HS6ST3: variants seen among roughly 807,000 people sequenced by gnomAD.
The protein encoded by HS6ST3 is heparan sulfate 6-O-sulfotransferase 3, also known as heparan-sulfate 6-O-sulfotransferase 3.
HS6ST3 carries 12 observed loss-of-function variants against 36.7 expected under a neutral mutation model. The ratio of observed to expected loss-of-function variants is 0.33; its 90% CI spans 0.21 to 0.53. The LOEUF is 0.53. HS6ST3 is among the 20% of genes least tolerant of loss of function. HS6ST3 has a pLI of 0.95. For missense variants in HS6ST3, 584 were observed against 640.9 expected (o/e 0.91, Z 0.96); for synonymous variants, 240 against 257.5 (o/e 0.93, Z 0.65).
intron 1 of HS6ST3, among the ~76,000 whole-genome samples, chr13:96,151,918 G>T (rs1011037492): frequency 1.3e-5 from 2 of 152,102 alleles, no homozygotes; most frequent in Non-Finnish European, 2.9e-5. Context: ...GTGGATTAAG[G>T]GCCTGCCCTA....
intron 1 of HS6ST3, among the ~76,000 whole-genome samples, chr13:96,452,992 A>G (rs778561039): frequency 2.6e-5 from 4 of 152,140 alleles, no homozygotes; most frequent in Admixed American, 1.3e-4. Flanking sequence ...GACAGGTGCC[A>G]TGAGCTTTGG....
intron 1 of HS6ST3, among the ~76,000 whole-genome samples, chr13:96,647,914 T>C (rs1238821953): frequency 3.3e-5 from 5 of 152,074 alleles, no homozygotes; most frequent in Admixed American, 2.0e-4. Flanking sequence ...CTGAACTCTT[T>C]AATATGGACA....
At chr13:96,304,067 C>T (rs574844993) in intron 1 of HS6ST3, among the ~76,000 whole-genome samples, 84 of 150,334 alleles carry the variant, frequency 5.6e-4, no homozygotes, top group South Asian at 1.3e-3. Flanking sequence ...TGCTTGAACC[C>T]GGGAGGTGGA....
At chr13:96,168,482 G>T (rs1467078357) in intron 1 of HS6ST3, among the ~76,000 whole-genome samples, 1 of 152,022 alleles carries the variant, frequency 6.6e-6, no homozygotes, top group Non-Finnish European at 1.5e-5. Context: ...GGAGCAGGGG[G>T]ATCCCTTCAG....
chr13:96,466,545 G>A (rs975489904), intron 1 of HS6ST3, among the ~76,000 whole-genome samples: 7 of 151,992 alleles, frequency 4.6e-5, no homozygotes, highest in African/African-American at 1.7e-4. Flanking sequence ...TTCTATGTCT[G>A]GCCTGTTTCA....
intron 1 of HS6ST3, among the ~76,000 whole-genome samples, chr13:96,759,246 A>G (rs1305411964): frequency 6.6e-6 from 1 of 151,882 alleles, no homozygotes; most frequent in Non-Finnish European, 1.5e-5. Context: ...ACCCAGTTGG[A>G]AAATTGCTGC....
chr13:96,533,843 AG>A (rs1176799286), intron 1 of HS6ST3, among the ~76,000 whole-genome samples: 2 of 152,118 alleles, frequency 1.3e-5, no homozygotes, highest in African/African-American at 2.4e-5. Flanking sequence ...ATACTGCCCC[AG>A]GGGGTCCAGA....
Position 96,091,338 on chromosome 13 carries a change from C to G in HS6ST3, c.476C>G (p.Thr159Ser). The change falls in exon 1 of 2, where the codon ACC becomes AGC. Residue 159 changes from threonine (T) to serine (S), a missense_variant. Physicochemically the swap from Thr to Ser is moderately conservative, Grantham distance 58. Around this residue, in one of 3 missense-constraint regions of HS6ST3, gnomAD observed 360 missense variants for 411.3 expected, o/e 0.88. Transcript: ENST00000376705. ...VFLHIQKTGG[T>S]TFGRHLVKNI... ...CTCCACATCCAGAAGACGGGGGGCACCACTTTCGGCCGGCACCTGGTGAAG... is the reference window on the plus strand; with the variant it reads ...CTCCACATCCAGAAGACGGGGGGCAGCACTTTCGGCCGGCACCTGGTGAAG... The G allele has an allele frequency of 6.2e-7, 1 of 1,614,086 alleles. No individual in the cohort carries two copies. The highest frequency in any genetic ancestry group is 8.5e-7 in the Non-Finnish European group (1 of 1,180,006).
At chr13:96,262,855 A>T (rs2139384063) in intron 1 of HS6ST3, among the ~76,000 whole-genome samples, 1 of 152,132 alleles carries the variant, frequency 6.6e-6, no homozygotes, top group East Asian at 1.9e-4. Flanking sequence ...ACTTCCCTGA[A>T]TTTATTTATA....
chr13:96,365,426 G>A (rs1403457754), intron 1 of HS6ST3, among the ~76,000 whole-genome samples: 1 of 152,184 alleles, frequency 6.6e-6, no homozygotes, highest in African/African-American at 2.4e-5. Flanking sequence ...GCATGAGGTA[G>A]GGGTACAAAT....
intron 1 of HS6ST3, among the ~76,000 whole-genome samples, chr13:96,752,330 A>AT (rs1253455168): frequency 7.2e-5 from 11 of 152,050 alleles, no homozygotes; most frequent in Non-Finnish European, 1.3e-4. Context: ...TCACCGTGTA[A>AT]TGGGCTTGCA....
At chr13:96,403,471 C>A (rs918491626) in intron 1 of HS6ST3, among the ~76,000 whole-genome samples, 6 of 152,196 alleles carry the variant, frequency 3.9e-5, no homozygotes, top group African/African-American at 1.4e-4. Flanking sequence ...TCATCATTTG[C>A]AGATGCTGCA....
chr13:96,685,345 A>G (rs1029649503), intron 1 of HS6ST3, among the ~76,000 whole-genome samples: 1 of 152,064 alleles, frequency 6.6e-6, no homozygotes, highest in African/African-American at 2.4e-5. Flanking sequence ...CGACTACTGG[A>G]TGTGGAAGGA....
intron 1 of HS6ST3, among the ~76,000 whole-genome samples, chr13:96,740,237 C>T (rs1876404083): frequency 6.6e-6 from 1 of 152,126 alleles, no homozygotes; most frequent in Non-Finnish European, 1.5e-5. Context: ...GAATTCAATG[C>T]CTGACACATA....
At chr13:96,221,982 T>A (rs953207980) in intron 1 of HS6ST3, among the ~76,000 whole-genome samples, 1 of 152,222 alleles carries the variant, frequency 6.6e-6, no homozygotes, top group Non-Finnish European at 1.5e-5. Context: ...TTATTTTAAA[T>A]TTTATAATAG....
intron 1 of HS6ST3, among the ~76,000 whole-genome samples, chr13:96,274,460 A>G (rs1448593509): frequency 6.6e-6 from 1 of 152,112 alleles, no homozygotes; most frequent in Non-Finnish European, 1.5e-5. Flanking sequence ...CAAGAACCAT[A>G]GGTAGTTACT....
chr13:96,352,893 G>A (rs1340734785), intron 1 of HS6ST3, among the ~76,000 whole-genome samples: 2 of 152,130 alleles, frequency 1.3e-5, no homozygotes, highest in South Asian at 2.1e-4. Flanking sequence ...ATTACAGGTG[G>A]GAATTGGGGA....
At chr13:96,641,265 G>A (rs1478536834) in intron 1 of HS6ST3, among the ~76,000 whole-genome samples, 1 of 151,716 alleles carries the variant, frequency 6.6e-6, no homozygotes, top group Non-Finnish European at 1.5e-5. Flanking sequence ...GGTACTTTTT[G>A]TTGTTGTTGC....
At chr13:96,508,351 G>A (rs941924649) in intron 1 of HS6ST3, among the ~76,000 whole-genome samples, 1 of 151,550 alleles carries the variant, frequency 6.6e-6, no homozygotes, top group Admixed American at 6.6e-5. Flanking sequence ...CTACACCCCC[G>A]ATCCTCCACA....
Sources: gnomAD v4.1 joint callset for allele counts (sites outside exome capture counted in the v4.1 genomes callset) on GRCh38, gnomAD v4.1.1 for gene constraint, gnomAD v4.1.1 regional missense constraint, MANE v1.5 for transcripts, NCBI Gene and HGNC (gene_info 2026-07-23, HGNC 2026-07-21) for gene names.